The following SHISA6 variants were observed in gnomAD, a reference collection of about 807,000 sequenced individuals.
SHISA6 encodes the protein protein shisa-6.
Under a neutral mutation model 47.9 loss-of-function variants are expected in SHISA6, and 22 were observed. That is an observed-to-expected ratio of 0.46 (90% CI 0.33 to 0.66). The LOEUF is 0.66. Among genes scored for constraint, SHISA6 ranks in the 30% least tolerant of loss-of-function variants. The pLI is 0.02. For missense variants in SHISA6, 680 were observed against 764.6 expected, an observed-to-expected ratio of 0.89 and a Z score of 1.30; for synonymous variants, 388 against 337.8, an observed-to-expected ratio of 1.15 and a Z score of -1.63.
At chr17:11,343,814 A>G (rs1176837302) in intron 2 of SHISA6, among the ~76,000 whole-genome samples, 1 of 152,242 alleles carries the variant, frequency 6.6e-6, no homozygotes, top group African/African-American at 2.4e-5. Flanking sequence ...AGGATGTGAG[A>G]TGGAGCATAA....
At chr17:11,285,168 C>T (rs1377693771) in intron 2 of SHISA6, among the ~76,000 whole-genome samples, 3 of 152,236 alleles carry the variant, frequency 2.0e-5, no homozygotes, top group African/African-American at 4.8e-5. Context: ...GGATGAGGCT[C>T]TGCAGTTAGG....
In SHISA6 at chr17:11,558,349, G is replaced by T. The variant is rs1181412671; in HGVS notation, c.*45G>T. ...GCTGCTGGGCGTGGCAGAGCAGAGC[G>T]GGGGCCGGGAGGGGCCAGGAGCAGA... On this transcript the variant is annotated 3_prime_UTR_variant, in exon 6 of 6. Transcript: ENST00000441885. The T allele has an allele frequency of 1.3e-6, 2 of 1,511,998 alleles. No individual in the cohort carries two copies. Among genetic ancestry groups the T allele is most frequent in the South Asian group, 1.3e-5 (1 of 79,886 alleles). 93.7% of individuals were successfully genotyped at this position (1,511,998 alleles called of 1,614,324 possible).
chr17:11,379,254 TA>T (rs1912926147), intron 2 of SHISA6, among the ~76,000 whole-genome samples, 159 bp from the exon 3 acceptor site: 1 of 149,394 alleles, frequency 6.7e-6, no homozygotes. Context: ...ATATATATTT[TA>T]TATGTATGTG....
intron 3 of SHISA6, among the ~76,000 whole-genome samples, chr17:11,515,612 G>C (rs2071579530): frequency 6.6e-6 from 1 of 152,080 alleles, no homozygotes; most frequent in South Asian, 2.1e-4. Context: ...GAAGAGCTCT[G>C]GGGCACAGAG....
chr17:11,350,449 A>G (rs139294481), intron 2 of SHISA6, among the ~76,000 whole-genome samples: 4,639 of 151,858 alleles, frequency 0.031, 146 homozygotes, highest in African/African-American at 0.073. Context: ...CAAAGTGCTG[A>G]GATTACAGGC....
chr17:11,451,116 C>A (rs2908946), intron 3 of SHISA6, among the ~76,000 whole-genome samples: 50,745 of 151,760 alleles, frequency 0.33, 8,836 homozygotes, highest in African/African-American at 0.41. Context: ...AGGAAGCTGA[C>A]CCTGCTGGTC....
chr17:11,459,322 T>G (rs2142312376), intron 3 of SHISA6, among the ~76,000 whole-genome samples: 1 of 152,314 alleles, frequency 6.6e-6, no homozygotes, highest in South Asian at 2.1e-4. Flanking sequence ...TAATCTTGTA[T>G]TGCTCTGGAC....
chr17:11,513,315 G>T (rs1369397590), intron 3 of SHISA6, among the ~76,000 whole-genome samples: 6 of 151,822 alleles, frequency 4.0e-5, no homozygotes, highest in African/African-American at 1.5e-4. Context: ...GGGTGAAGTG[G>T]TATCTCATTG....
rs539269642 is a variant in SHISA6, at chr17:11,258,020, G to A, written c.639-5346G>A. On this transcript the variant is annotated intron_variant, in intron 1 of 5. Transcript: ENST00000441885. ...TTTATAAAAAAATTAATTATATTCA[G>A]TATACTTAATTAGGCAGGAATGCTT... 2.0e-5 allele frequency among the ~76,000 whole-genome samples: 3 copies of A among 152,146 alleles called. No homozygotes were observed. In the East Asian group the frequency reaches 5.8e-4, roughly 29 times the overall value.
chr17:11,450,144 C>T (rs1567609044), intron 3 of SHISA6, among the ~76,000 whole-genome samples: 3 of 152,026 alleles, frequency 2.0e-5, no homozygotes, highest in African/African-American at 4.8e-5. Context: ...CTCGGCCTCC[C>T]GAAGTGCTGG....
At chr17:11,428,536 C>A (rs1231058347) in intron 3 of SHISA6, among the ~76,000 whole-genome samples, 1 of 152,184 alleles carries the variant, frequency 6.6e-6, no homozygotes, top group Non-Finnish European at 1.5e-5. Flanking sequence ...GTGGCTACGG[C>A]GCTAAGCAGA....
intron 3 of SHISA6, among the ~76,000 whole-genome samples, chr17:11,545,618 A>C (rs2071876885): frequency 6.6e-6 from 1 of 152,260 alleles, no homozygotes; most frequent in East Asian, 1.9e-4. Context: ...AAATGGTACA[A>C]TAAAGACAAC....
chr17:11,471,663 T>C (rs148009162), intron 3 of SHISA6, among the ~76,000 whole-genome samples: 78 of 152,326 alleles, frequency 5.1e-4, no homozygotes, highest in Admixed American at 5.2e-4. Context: ...AACTTATTGA[T>C]TGGGTGGTAC....
intron 3 of SHISA6, among the ~76,000 whole-genome samples, chr17:11,502,408 CA>C (rs33980148): frequency 0.013 from 440 of 34,046 alleles, 1 homozygote; most frequent in African/African-American, 0.047. Flanking sequence ...GACTCCGTCT[CA>C]AAAAAAAAAA....
At chr17:11,458,363 C>T (rs557951841) in intron 3 of SHISA6, among the ~76,000 whole-genome samples, 1 of 152,266 alleles carries the variant, frequency 6.6e-6, no homozygotes, top group African/African-American at 2.4e-5. Context: ...TCTCTTTGTT[C>T]TTCACTCTCC....
chr17:11,284,740 G>A (rs1311030242), intron 2 of SHISA6, among the ~76,000 whole-genome samples: 3 of 152,150 alleles, frequency 2.0e-5, no homozygotes, highest in African/African-American at 7.2e-5. Context: ...TATTGATGCT[G>A]TATTAGACTT....
chr17:11,308,865 A>G (rs1910222065), intron 2 of SHISA6, among the ~76,000 whole-genome samples: 1 of 152,218 alleles, frequency 6.6e-6, no homozygotes, highest in Non-Finnish European at 1.5e-5. Context: ...ACAGTGGCAA[A>G]TTAGTTCGGT....
intron 3 of SHISA6, among the ~76,000 whole-genome samples, chr17:11,393,350 T>A (rs77027369): frequency 0.036 from 5,521 of 152,214 alleles, 185 homozygotes; most frequent in Admixed American, 0.088. Flanking sequence ...TGCCCCCTTC[T>A]TAGCCAGGAT....
At chr17:11,356,999 T>A (rs540869677) in intron 2 of SHISA6, among the ~76,000 whole-genome samples, 2 of 152,004 alleles carry the variant, frequency 1.3e-5, no homozygotes, top group East Asian at 3.9e-4. Context: ...CGTGAAATCC[T>A]GTCTGTACTT....
Sources: gnomAD v4.1 joint callset for allele counts (sites outside exome capture counted in the v4.1 genomes callset) on GRCh38, gnomAD v4.1.1 for gene constraint, MANE v1.5 for transcripts, NCBI Gene and HGNC (gene_info 2026-07-23, HGNC 2026-07-21) for gene names.